WFDC10B: variants seen among roughly 807,000 people sequenced by gnomAD.
The protein encoded by WFDC10B is protein WFDC10B.
A neutral mutation model predicts 2.7 loss-of-function variants in WFDC10B; 1 was observed. That is an observed-to-expected ratio of 0.38 (90% CI 0.13 to 1.79). WFDC10B has a LOEUF of 1.79. WFDC10B is among the 40% of genes most tolerant of loss of function. WFDC10B has a pLI of 0.33. For missense variants in WFDC10B, 71 were observed against 87.8 expected (o/e 0.81, Z 0.76); for synonymous variants, 26 against 32.2 (o/e 0.81, Z 0.65).
At chr20:45,687,080 G>T (rs1043474751) in intron 2 of WFDC10B, among the ~76,000 whole-genome samples, 3 of 152,080 alleles carry the variant, frequency 2.0e-5, no homozygotes, top group African/African-American at 7.2e-5. Flanking sequence ...TGTGCTGTGG[G>T]GGCTTGCTGC....
At position 45,684,897 on chromosome 20, in the gene WFDC10B, T is replaced by C. The variant is rs1177986953; in HGVS notation, c.155A>G (p.Gln52Arg). Residue 52 changes from glutamine to arginine, a missense_variant, in exon 4 of 4, where the codon CAA (glutamine) becomes CGA (arginine). Transcript: ENST00000330523. ...DLCIHHCSYF[Q>R]KCETNKICCS... ...GCATATCTTATTTGTTTCACACTTT[T>C]GGAAATATGAACAGTGGTGGATGCA... The C allele has an allele frequency of 1.2e-6, 2 of 1,613,958 alleles. No individual in the cohort carries two copies. Among genetic ancestry groups the C allele is most frequent in the African/African-American group, 1.3e-5 (1 of 74,918 alleles).
At chr20:45,701,555 A>G (rs1356743100) in intron 2 of WFDC10B, among the ~76,000 whole-genome samples, 2 of 152,162 alleles carry the variant, frequency 1.3e-5, no homozygotes, top group African/African-American at 4.8e-5. Context: ...TGAGGTCAGG[A>G]GTTCAAGACT....
chr20:45,686,664 ATTC>A (rs1343555976), intron 2 of WFDC10B, among the ~76,000 whole-genome samples: 4 of 151,534 alleles, frequency 2.6e-5, no homozygotes, highest in African/African-American at 7.3e-5. Context: ...TTCATTATAA[ATTC>A]TTCTTTTTTT....
chr20:45,693,402 C>T (rs1412525510), intron 2 of WFDC10B, among the ~76,000 whole-genome samples: 3 of 152,188 alleles, frequency 2.0e-5, no homozygotes, highest in Admixed American at 6.5e-5. Flanking sequence ...TTACTGCTGT[C>T]TTTGTTTGTC....
Position 45,686,067 on chromosome 20 carries a change from G to T in WFDC10B, c.-64-11C>A. ...TCCCTGCAGAGCTGCCTGTGGAGAG[G>T]GAAGGAAATAAAGAAGGAATGATCT... On this transcript the variant is annotated splice_polypyrimidine_tract_variant and intron_variant, in intron 2 of 3. Transcript: ENST00000330523. 6.4e-7 allele frequency: 1 copy of T among 1,558,526 alleles called. No homozygotes were observed. Among genetic ancestry groups the T allele is most frequent in the Non-Finnish European group, 8.7e-7 (1 of 1,149,878 alleles).
At chr20:45,693,231 G>T (rs1199864547) in intron 2 of WFDC10B, among the ~76,000 whole-genome samples, 1 of 152,208 alleles carries the variant, frequency 6.6e-6, no homozygotes, top group East Asian at 1.9e-4. Context: ...GTGTCAGTCT[G>T]CCCCTACTGG....
chr20:45,688,976 A>C (rs1176223353), intron 2 of WFDC10B, among the ~76,000 whole-genome samples: 5 of 151,552 alleles, frequency 3.3e-5, no homozygotes, highest in African/African-American at 1.2e-4. Flanking sequence ...GGTTTTAGGT[A>C]TAACGTTTAA....
intron 2 of WFDC10B, among the ~76,000 whole-genome samples, chr20:45,690,944 A>G (rs192749895): frequency 6.6e-6 from 1 of 152,080 alleles, no homozygotes; most frequent in African/African-American, 2.4e-5. Context: ...TCAATTTTGG[A>G]TCTTTCCTGC....
chr20:45,684,880 T>G lies in WFDC10B; in HGVS notation c.172A>C (p.Lys58Gln). ...CCACAGAAGGCTGAACAGCATATCT[T>G]ATTTGTTTCACACTTTTGGAAATAT... ...CSYFQKCETNKICCSAFCGNI... is the reference protein window; with the variant it reads ...CSYFQKCETNQICCSAFCGNI... The change falls in exon 4 of 4, where the codon AAG (lysine) becomes CAG (glutamine). Residue 58 changes from lysine to glutamine, a missense_variant. Lys to Gln is a moderately conservative substitution (Grantham distance 53). Coordinates refer to ENST00000330523, the MANE Select transcript of WFDC10B (RefSeq NM_172006.2). The G allele has an allele frequency of 1.9e-6, 3 of 1,614,054 alleles. No individual in the cohort carries two copies. Among genetic ancestry groups the G allele is most frequent in the Non-Finnish European group, 2.5e-6 (3 of 1,179,956 alleles).
chr20:45,690,584 G>C (rs930925093), intron 2 of WFDC10B, among the ~76,000 whole-genome samples: 57 of 151,888 alleles, frequency 3.8e-4, no homozygotes, highest in African/African-American at 1.2e-3. Flanking sequence ...TGTACGTGTC[G>C]AGGAATTTAT....
chr20:45,703,662 G>C (rs62207176), intron 2 of WFDC10B, among the ~76,000 whole-genome samples: 8,131 of 152,156 alleles, frequency 0.053, 343 homozygotes, highest in East Asian at 0.21. Context: ...TGTGGACTTA[G>C]GGAAGACTCT....
chr20:45,693,240 G>A (rs974955716), intron 2 of WFDC10B, among the ~76,000 whole-genome samples: 1 of 152,176 alleles, frequency 6.6e-6, no homozygotes, highest in East Asian at 1.9e-4. Flanking sequence ...TGCCCCTACT[G>A]GGGGGTGCCT....
At chr20:45,688,159 A>G (rs2145634870) in intron 2 of WFDC10B, among the ~76,000 whole-genome samples, 1 of 151,866 alleles carries the variant, frequency 6.6e-6, no homozygotes, top group East Asian at 1.9e-4. Context: ...TTTACTGAGA[A>G]TGATGATTTC....
intron 2 of WFDC10B, among the ~76,000 whole-genome samples, chr20:45,703,791 T>C (rs896868619): frequency 1.3e-5 from 2 of 152,184 alleles, no homozygotes; most frequent in Non-Finnish European, 2.9e-5. Flanking sequence ...ATCCTGGTGC[T>C]CTGGCCTCCT....
In WFDC10B at chr20:45,697,820, T is replaced by G. The variant is rs892241200; in HGVS notation, c.-65+6677A>C. On this transcript the variant is annotated intron_variant, in intron 2 of 3. Transcript: ENST00000330523. ...GTGCAGTGGCGCGAGCTCAGCTCAC[T>G]GCAACCTCCGCCTCCCAGGTTCAAG... is the stretch of plus-strand genomic sequence containing the variant. 3.3e-5 allele frequency among the ~76,000 whole-genome samples: 5 copies of G among 149,342 alleles called. No individual in the cohort carries two copies. In the Admixed American group the frequency reaches 3.4e-4, roughly 10 times the overall value.
At chr20:45,704,467 T>C (rs373831989) in intron 2 of WFDC10B, 30 bp downstream of exon 2, 21 of 1,613,982 alleles carry the variant, frequency 1.3e-5, no homozygotes, top group Non-Finnish European at 1.7e-5. Flanking sequence ...ACCTCCACCC[T>C]GCATATCAGC....
In WFDC10B at chr20:45,693,945, G is replaced by A. The variant is rs142795083; in HGVS notation, c.-64-7889C>T. 2.2e-3 allele frequency among the ~76,000 whole-genome samples: 332 copies of A among 149,920 alleles called. 3 individuals carry two copies. Among genetic ancestry groups the A allele is most frequent in the African/African-American group, 7.2e-3 (290 of 40,558 alleles). On this transcript the variant is annotated intron_variant, in intron 2 of 3. Coordinates refer to ENST00000330523, the MANE Select transcript of WFDC10B (RefSeq NM_172006.2). ...TCGCTCACGCTAGGAGCTGTAGAAC[G>A]GAGCTGTTCCTATTCAGCCATCTTG...
intron 2 of WFDC10B, among the ~76,000 whole-genome samples, chr20:45,688,007 A>G (rs1032864320): frequency 5.0e-5 from 7 of 139,932 alleles, no homozygotes; most frequent in Non-Finnish European, 9.3e-5. Flanking sequence ...TATATCTCCC[A>G]ATGCTATCCC....
intron 2 of WFDC10B, among the ~76,000 whole-genome samples, chr20:45,703,351 C>A (rs1305158933): frequency 1.3e-5 from 2 of 152,166 alleles, no homozygotes; most frequent in African/African-American, 4.8e-5. Context: ...ACAGCTTGAA[C>A]CTCAGCTTCT....
Sources: gnomAD v4.1 joint callset for allele counts (sites outside exome capture counted in the v4.1 genomes callset) on GRCh38, gnomAD v4.1.1 for gene constraint, MANE v1.5 for transcripts, NCBI Gene and HGNC (gene_info 2026-07-23, HGNC 2026-07-21) for gene names.